NLGN1: variants seen among roughly 807,000 people sequenced by gnomAD.
NLGN1 encodes neuroligin-1.
NLGN1 carries 12 observed loss-of-function variants against 65.5 expected under a neutral mutation model. That is an observed-to-expected ratio of 0.18 (90% CI 0.12 to 0.30). The LOEUF is 0.30. NLGN1 is among the 10% of genes least tolerant of loss of function. The pLI, the probability that NLGN1 is intolerant of heterozygous loss-of-function variation, is 1.00. For missense variants in NLGN1, 750 were observed against 1,007.1 expected (o/e 0.74, Z 3.46); for synonymous variants, 350 against 359.5 (o/e 0.97, Z 0.30).
At position 174,280,482 on chromosome 3, in the gene NLGN1, G is replaced by A. The variant is rs1367489700; in HGVS notation, c.1651G>A (p.Asp551Asn). The A allele has an allele frequency of 1.3e-6, 2 of 1,584,798 alleles. No individual in the cohort carries two copies. Among genetic ancestry groups the A allele is most frequent in the African/African-American group, 2.7e-5 (2 of 73,268 alleles). ...CATAATTTATCTTTTCCTTCTTAGTGACCCAAATCAACCAGTCCCTCAAGA... is the reference window on the plus strand; with the variant it reads ...CATAATTTATCTTTTCCTTCTTAGTAACCCAAATCAACCAGTCCCTCAAGA... Residue 551 changes from aspartate (D) to asparagine (N), a missense_variant and splice_region_variant, in exon 7 of 7, where the codon GAC becomes AAC. Transcript: ENST00000457714. The surrounding 1 kb of genome is among the most constrained non-coding windows in gnomAD (Gnocchi z 4.9).
At chr3:173,511,754 T>C (rs571106136) in intron 2 of NLGN1, among the ~76,000 whole-genome samples, 2 of 152,288 alleles carry the variant, frequency 1.3e-5, no homozygotes, top group East Asian at 3.9e-4. Flanking sequence ...CTGTGTCCAC[T>C]CTACTATGAG....
At chr3:174,248,581 G>A (rs1436146909) in intron 4 of NLGN1, among the ~76,000 whole-genome samples, 1 of 152,128 alleles carries the variant, frequency 6.6e-6, no homozygotes, top group Non-Finnish European at 1.5e-5. Flanking sequence ...CCAAAACAGG[G>A]AAACCCCATC....
intron 2 of NLGN1, among the ~76,000 whole-genome samples, chr3:173,537,432 A>G (rs1386814127): frequency 6.6e-6 from 1 of 152,084 alleles, no homozygotes; most frequent in Non-Finnish European, 1.5e-5. Flanking sequence ...ATATAAAGTC[A>G]GTACATCTTA....
intron 4 of NLGN1, among the ~76,000 whole-genome samples, chr3:173,935,341 T>C (rs776749427): frequency 1.2e-4 from 18 of 152,018 alleles, no homozygotes; most frequent in Non-Finnish European, 2.7e-4. Context: ...GCTTAGTGAA[T>C]GAAAGGTACA....
intron 4 of NLGN1, among the ~76,000 whole-genome samples, chr3:174,074,167 C>T (rs1698668059): frequency 6.6e-6 from 1 of 152,060 alleles, no homozygotes; most frequent in African/African-American, 2.4e-5. Context: ...GGCTTGATTT[C>T]AAATGGAGAA....
chr3:174,213,155 A>G (rs965280171), intron 4 of NLGN1, among the ~76,000 whole-genome samples: 2 of 152,214 alleles, frequency 1.3e-5, no homozygotes, highest in African/African-American at 4.8e-5. Flanking sequence ...TGCCTATCAC[A>G]AGAAGCATTA....
intron 4 of NLGN1, among the ~76,000 whole-genome samples, chr3:173,981,590 T>G (rs2152394085): frequency 6.6e-6 from 1 of 152,288 alleles, no homozygotes; most frequent in African/African-American, 2.4e-5. Flanking sequence ...ATATGTCTTC[T>G]ATTTCTTGTA....
rs368391078 is a variant in NLGN1, at chr3:173,458,263, CTTTGTTTTGT to C, written c.-321+23199_-321+23208del. Among the ~76,000 whole-genome samples, 556 of 151,874 alleles carry C rather than the reference CTTTGTTTTGT, an allele frequency of 3.7e-3. 4 individuals carry two copies. Among genetic ancestry groups the C allele is most frequent in the African/African-American group, 0.013 (524 of 41,412 alleles). The stretch of plus-strand genomic sequence containing the variant: ...AAGAAGAAAATATTTTTTTCTTTTG[CTTTGTTTTGT>C]TTTGTTTTGTTTTTGCATAATCCTG... On this transcript the variant is annotated intron_variant, in intron 2 of 6. Transcript: ENST00000457714.
At chr3:174,242,656 A>G (rs961880) in intron 4 of NLGN1, among the ~76,000 whole-genome samples, 50,056 of 151,672 alleles carry the variant, frequency 0.33, 8,806 homozygotes, top group East Asian at 0.58. Context: ...TGCCAGATAG[A>G]ACCATCTAGT....
intron 4 of NLGN1, among the ~76,000 whole-genome samples, chr3:174,232,690 G>A (rs1740949705): frequency 6.6e-6 from 1 of 152,236 alleles, no homozygotes; most frequent in African/African-American, 2.4e-5. Flanking sequence ...GAGAGAGAAA[G>A]GCCGAAAACA....
At chr3:173,821,156 ATTTACAAACCT>A (rs1401278543) in intron 4 of NLGN1, among the ~76,000 whole-genome samples, 1 of 152,184 alleles carries the variant, frequency 6.6e-6, no homozygotes, top group East Asian at 1.9e-4. Flanking sequence ...TAATTTCACC[ATTTACAAACCT>A]TTTTAAGAGG....
chr3:173,938,713 C>A (rs1183459566), intron 4 of NLGN1, among the ~76,000 whole-genome samples: 1 of 152,100 alleles, frequency 6.6e-6, no homozygotes, highest in Admixed American at 6.5e-5. Flanking sequence ...AGAACAAACA[C>A]CCTCCAGATT....
intron 3 of NLGN1, among the ~76,000 whole-genome samples, chr3:173,788,833 TAAAAAAA>T (rs3979635): frequency 1.5e-4 from 8 of 53,536 alleles, no homozygotes; most frequent in East Asian, 8.8e-4. Flanking sequence ...AGACCTCATT[TAAAAAAA>T]AAAAAAAAAA....
chr3:173,700,110 A>G (rs1444177537), intron 3 of NLGN1, among the ~76,000 whole-genome samples: 1 of 152,230 alleles, frequency 6.6e-6, no homozygotes, highest in Non-Finnish European at 1.5e-5. Context: ...AATCAGCAGA[A>G]TGAAAACTAT....
chr3:173,633,730 T>C (rs1668060929), intron 3 of NLGN1, among the ~76,000 whole-genome samples: 1 of 152,128 alleles, frequency 6.6e-6, no homozygotes, highest in South Asian at 2.1e-4. Flanking sequence ...GTGAAGTCTA[T>C]TGGGTGAAGA....
At chr3:173,698,898 C>T (rs374374200) in intron 3 of NLGN1, among the ~76,000 whole-genome samples, 9 of 152,070 alleles carry the variant, frequency 5.9e-5, no homozygotes, top group Non-Finnish European at 1.0e-4. Flanking sequence ...CTCTTGTTGC[C>T]GAGGCTGGAG....
chr3:174,069,583 G>A (rs1739384806), intron 4 of NLGN1, among the ~76,000 whole-genome samples: 1 of 151,942 alleles, frequency 6.6e-6, no homozygotes, highest in African/African-American at 2.4e-5. Context: ...ACACTTTGAG[G>A]CTGGATGAAG....
rs1174269974 is a variant in NLGN1, at chr3:174,158,530, GATCA to G, written c.647-116784_647-116781del. 3.3e-5 allele frequency among the ~76,000 whole-genome samples: 5 copies of G among 151,778 alleles called. No homozygotes were observed. The Admixed American group carries it at 3.3e-4, about 10-fold the overall frequency. ...GCCTTACTACTCAGTGTTGTCTATGGATCAGAAGCCCCGGGCATACCTTGGTGCT... is the reference window on the plus strand; with the variant it reads ...GCCTTACTACTCAGTGTTGTCTATGGGAAGCCCCGGGCATACCTTGGTGCT... On this transcript the variant is annotated intron_variant, in intron 4 of 6. Transcript: ENST00000457714.
intron 4 of NLGN1, among the ~76,000 whole-genome samples, chr3:174,033,388 A>G (rs1278086525): frequency 6.6e-6 from 1 of 152,182 alleles, no homozygotes; most frequent in Non-Finnish European, 1.5e-5. Flanking sequence ...AGTTTCTAGT[A>G]CCTGATACAT....
Sources: gnomAD v4.1 joint callset for allele counts (sites outside exome capture counted in the v4.1 genomes callset) on GRCh38, gnomAD v4.1.1 for gene constraint, Gnocchi (gnomAD v3.1) non-coding constraint, MANE v1.5 for transcripts, NCBI Gene and HGNC (gene_info 2026-07-23, HGNC 2026-07-21) for gene names.